Variants in CDC42BPA observed in about 807,000 individuals in gnomAD.
CDC42BPA encodes serine/threonine-protein kinase MRCK alpha.
CDC42BPA carries 80 observed loss-of-function variants against 223.5 expected under a neutral mutation model. The observed-to-expected ratio is 0.36, with a 90% CI of 0.30 to 0.43. The LOEUF (loss-of-function observed/expected upper bound fraction) is 0.43, where lower values mean the gene tolerates loss of function less well. CDC42BPA is among the 20% of genes least tolerant of loss of function. The probability of loss-of-function intolerance (pLI) is 1.00; values close to 1 mark genes in which losing one functional copy is unlikely to be tolerated. For missense variants in CDC42BPA, 1,743 were observed against 2,099.9 expected (o/e 0.83, Z 3.32); for synonymous variants, 694 against 718.6 (o/e 0.97, Z 0.55).
At chr1:227,259,430 C>A (rs2148346141) in intron 1 of CDC42BPA, among the ~76,000 whole-genome samples, 1 of 151,022 alleles carries the variant, frequency 6.6e-6, no homozygotes, top group South Asian at 2.1e-4. Context: ...TAGAGAAAGG[C>A]AAAGACAATG....
At chr1:227,082,714 CAAAAAAA>C (rs71574595) in intron 16 of CDC42BPA, among the ~76,000 whole-genome samples, 3 of 59,512 alleles carry the variant, frequency 5.0e-5, no homozygotes, top group African/African-American at 7.0e-5. Context: ...GACTCTGTCT[CAAAAAAA>C]AAAAAAAAAA....
chr1:227,115,500 GA>G (rs1687627658), intron 12 of CDC42BPA, among the ~76,000 whole-genome samples: 1 of 137,878 alleles, frequency 7.3e-6, no homozygotes. Flanking sequence ...GTCATTAATA[GA>G]TAAACCAGGT....
chr1:227,211,720 A>G (rs1185980472), intron 3 of CDC42BPA, among the ~76,000 whole-genome samples: 1 of 152,134 alleles, frequency 6.6e-6, no homozygotes, highest in East Asian at 1.9e-4. Context: ...AACCATGAGT[A>G]CACATGGACA....
intron 11 of CDC42BPA, among the ~76,000 whole-genome samples, chr1:227,128,154 T>C (rs1656227273): frequency 6.6e-6 from 1 of 152,174 alleles, no homozygotes; most frequent in African/African-American, 2.4e-5. Context: ...AGCCATCCAG[T>C]ACTCTCTGTT....
chr1:227,126,447 A>G (rs988858149), intron 11 of CDC42BPA, among the ~76,000 whole-genome samples: 1 of 148,274 alleles, frequency 6.7e-6, no homozygotes, highest in African/African-American at 2.5e-5. Context: ...GTTGACAGAG[A>G]AAACAGGCAG....
At chr1:227,271,557 G>A (rs568661626) in intron 1 of CDC42BPA, among the ~76,000 whole-genome samples, 67 of 151,888 alleles carry the variant, frequency 4.4e-4, no homozygotes, top group Non-Finnish European at 7.9e-4. Context: ...TCTGATGGCT[G>A]ATAGATATAT....
chr1:227,068,923 C>T (rs1677682154), intron 21 of CDC42BPA: 1 of 167,156 alleles, frequency 6.0e-6, no homozygotes, highest in Admixed American at 6.5e-5. Context: ...AGGAACGAAA[C>T]ACAATTCACA....
chr1:227,309,742 A>G (rs180682259), intron 1 of CDC42BPA, among the ~76,000 whole-genome samples: 4 of 152,344 alleles, frequency 2.6e-5, no homozygotes, highest in Non-Finnish European at 5.9e-5. Context: ...CTACACATAA[A>G]GAAAAGTAAG....
At chr1:227,088,971 C>T (rs963208965) in intron 16 of CDC42BPA, among the ~76,000 whole-genome samples, 1 of 152,108 alleles carries the variant, frequency 6.6e-6, no homozygotes, top group Non-Finnish European at 1.5e-5. Context: ...AGCGATCTGC[C>T]CGCCTCGGAC....
intron 2 of CDC42BPA, among the ~76,000 whole-genome samples, chr1:227,223,796 T>G (rs72755351): frequency 6.6e-6 from 1 of 152,192 alleles, no homozygotes; most frequent in Non-Finnish European, 1.5e-5. Flanking sequence ...ATGAATTCAA[T>G]AGAAAGCCAT....
In CDC42BPA at chr1:227,139,683, T is replaced by A; in HGVS notation, c.1283A>T (p.Asp428Val). 6.2e-7 allele frequency: 1 copy of A among 1,608,788 alleles called. No individual in the cohort carries two copies. The highest frequency in any genetic ancestry group is 8.5e-7 in the Non-Finnish European group (1 of 1,177,762). ...GTCTAGAGTCCTCTGAACATTAACA[T>A]CAAGATCCAGTGAGGTGGGACCAGC... ...VTAGPTSLDLDVNVQRTLDNN... is the reference protein window; with the variant it reads ...VTAGPTSLDLVVNVQRTLDNN... The change falls in exon 10 of 37, where the codon GAT becomes GTT. Residue 428 changes from aspartate to valine, a missense_variant. Asp to Val is a radical substitution (Grantham distance 152, BLOSUM62 -3). Transcript: ENST00000366766.
intron 11 of CDC42BPA, among the ~76,000 whole-genome samples, chr1:227,126,756 A>G (rs1689734293): frequency 6.6e-6 from 1 of 152,188 alleles, no homozygotes; most frequent in Non-Finnish European, 1.5e-5. Context: ...GTTCATATCA[A>G]TTGATACAGA....
chr1:227,024,865 G>A (rs1667973108), intron 31 of CDC42BPA, among the ~76,000 whole-genome samples: 1 of 152,204 alleles, frequency 6.6e-6, no homozygotes, highest in South Asian at 2.1e-4. Context: ...TTAGGAGGTA[G>A]GTTCATGAGT....
chr1:227,261,876 A>T (rs1184467461), intron 1 of CDC42BPA, among the ~76,000 whole-genome samples: 1 of 152,146 alleles, frequency 6.6e-6, no homozygotes, highest in Non-Finnish European at 1.5e-5. Flanking sequence ...GCAGCATAAG[A>T]GGAAAACATG....
chr1:227,235,934 A>T (rs937136304), intron 2 of CDC42BPA, among the ~76,000 whole-genome samples: 8 of 152,226 alleles, frequency 5.3e-5, no homozygotes, highest in Non-Finnish European at 7.3e-5. Flanking sequence ...TAGATTTGGA[A>T]TAAGTTAACA....
chr1:227,101,013 A>G lies in CDC42BPA; in HGVS notation c.2228T>C (p.Leu743Ser). The change falls in exon 15 of 37, where the codon TTG (leucine) becomes TCG (serine). Residue 743 changes from leucine to serine, a missense_variant. Physicochemically the swap from Leu to Ser is moderately radical, Grantham distance 145 (BLOSUM62 -2). Around this residue, in one of 6 missense-constraint regions of CDC42BPA, gnomAD observed 464 missense variants for 488.0 expected, o/e 0.95. Coordinates refer to ENST00000366766, the MANE Select transcript of CDC42BPA (RefSeq NM_001394014.1). ...NKEIMILKDK[L>S]EKTRRESQSE... ...TTACCTTTCTCTTCTGGTTTTTTCCAATTTGTCTTTTAAAATCATAATTTC... is the reference window on the plus strand; with the variant it reads ...TTACCTTTCTCTTCTGGTTTTTTCCGATTTGTCTTTTAAAATCATAATTTC... 2 of 1,521,334 alleles carry G rather than the reference A, an allele frequency of 1.3e-6. No individual in the cohort carries two copies. The highest frequency in any genetic ancestry group is 1.8e-6 in the Non-Finnish European group (2 of 1,102,946). The allele number at this position is 1,521,334 out of a possible 1,614,324, so 94.2% of individuals were successfully genotyped here. A position where few individuals can be genotyped will look rare whatever the true frequency, so the allele number is the denominator to read the frequency against.
intron 5 of CDC42BPA, among the ~76,000 whole-genome samples, chr1:227,168,283 GA>G (rs1423712487): frequency 6.6e-6 from 1 of 151,852 alleles, no homozygotes; most frequent in Non-Finnish European, 1.5e-5. Context: ...ATTTTTGAAG[GA>G]TATTTTCACT....
At chr1:227,043,399 G>A (rs960306341) in intron 23 of CDC42BPA, among the ~76,000 whole-genome samples, 24 of 140,274 alleles carry the variant, frequency 1.7e-4, no homozygotes, top group Non-Finnish European at 3.0e-4. Context: ...GCGACAAAAC[G>A]AGACTTCGTC....
chr1:227,219,311 T>C (rs931410497), intron 2 of CDC42BPA: 1 of 152,202 alleles, frequency 6.6e-6, no homozygotes, highest in Non-Finnish European at 1.5e-5. Flanking sequence ...CAACAAGCTC[T>C]GAAGCCCAGA....
Sources: gnomAD v4.1 joint callset for allele counts (sites outside exome capture counted in the v4.1 genomes callset) on GRCh38, gnomAD v4.1.1 for gene constraint, gnomAD v4.1.1 regional missense constraint, MANE v1.5 for transcripts, NCBI Gene and HGNC (gene_info 2026-07-23, HGNC 2026-07-21) for gene names.